C3orf20: variants seen among roughly 807,000 people sequenced by gnomAD.
The protein encoded by C3orf20 is family with sequence similarity 149 member C.
C3orf20 carries 76 observed loss-of-function variants against 88.3 expected under a neutral mutation model. The observed-to-expected ratio is 0.86, with a 90% CI of 0.72 to 1.04. The LOEUF (loss-of-function observed/expected upper bound fraction) is 1.04, where lower values mean the gene tolerates loss of function less well. Ranked by LOEUF, C3orf20 falls within the 50% of genes least tolerant of loss-of-function variation. The pLI, the probability that C3orf20 is intolerant of heterozygous loss-of-function variation, is 0.00. For synonymous variants in C3orf20, 436 were observed against 437.4 expected (o/e 1.00, Z 0.04); for missense variants, 1,056 against 1,123.3 (o/e 0.94, Z 0.86).
chr3:14,753,882 A>G (rs2035286117), intron 12 of C3orf20, among the ~76,000 whole-genome samples: 1 of 152,240 alleles, frequency 6.6e-6, no homozygotes, highest in Non-Finnish European at 1.5e-5. Context: ...AAACAAAAAC[A>G]AAAACAAAAC....
intron 15 of C3orf20, among the ~76,000 whole-genome samples, chr3:14,762,302 A>T (rs545095865): frequency 6.6e-6 from 1 of 152,318 alleles, no homozygotes; most frequent in South Asian, 2.1e-4. Context: ...CAACCAGGTG[A>T]TGCCAACTTG....
At chr3:14,692,874 T>C (rs1283836754) in intron 5 of C3orf20, among the ~76,000 whole-genome samples, 1 of 152,234 alleles carries the variant, frequency 6.6e-6, no homozygotes, top group East Asian at 1.9e-4. Context: ...GGCCTGAGAT[T>C]TAAGTCTTCA....
chr3:14,757,217 G>A (rs1336027135), intron 12 of C3orf20, among the ~76,000 whole-genome samples, 154 bp from the exon 13 acceptor site: 1 of 152,222 alleles, frequency 6.6e-6, no homozygotes, highest in Non-Finnish European at 1.5e-5. Context: ...GAGGTTAGGG[G>A]ACCTGTTCAA....
chr3:14,727,177 C>T (rs1028930416), intron 11 of C3orf20, among the ~76,000 whole-genome samples, 153 bp downstream of exon 11: 3 of 152,180 alleles, frequency 2.0e-5, no homozygotes, highest in African/African-American at 7.2e-5. Context: ...GAGATATTTC[C>T]CCATTTTAGG....
chr3:14,714,232 A>G, intron 8 of C3orf20, 73 bp downstream of exon 8: 1 of 1,524,862 alleles, frequency 6.6e-7, no homozygotes, highest in Non-Finnish European at 9.0e-7. Context: ...TGAGGTGGTG[A>G]CTACGAGTCC....
At chr3:14,711,673 T>C (rs530327870) in intron 7 of C3orf20, among the ~76,000 whole-genome samples, 2 of 143,472 alleles carry the variant, frequency 1.4e-5, no homozygotes, top group South Asian at 2.4e-4. Context: ...TCTCGCTCTA[T>C]TGCCCAGGCT....
intron 1 of C3orf20, among the ~76,000 whole-genome samples, chr3:14,676,422 A>T (rs2031774918): frequency 6.6e-6 from 1 of 152,230 alleles, no homozygotes; most frequent in Admixed American, 6.5e-5. Context: ...TGGAATGTGT[A>T]ATCAGTGTAT....
chr3:14,769,638 C>T (rs1008705649), intron 15 of C3orf20, among the ~76,000 whole-genome samples: 8 of 152,198 alleles, frequency 5.3e-5, no homozygotes, highest in South Asian at 2.1e-4. Context: ...CTGAAGCAGG[C>T]GTCATGCCGT....
chr3:14,714,249 A>G (rs1243292061), intron 8 of C3orf20, 90 bp downstream of exon 8: 2 of 1,427,914 alleles, frequency 1.4e-6, no homozygotes, highest in East Asian at 4.7e-5. Flanking sequence ...GTCCCTGGTT[A>G]AAGAAGAAGC....
intron 14 of C3orf20, 110 bp from the exon 15 acceptor site, chr3:14,761,363 G>C (rs752690288): frequency 3.3e-5 from 43 of 1,318,874 alleles, no homozygotes; most frequent in Non-Finnish European, 4.3e-5. Context: ...CGTAAGCTCT[G>C]AGAGGCCTGT....
At position 14,683,067 on chromosome 3, in the gene C3orf20, CCTCT is replaced by C; in HGVS notation, c.358_361del (p.Ser120ProfsTer14). On this transcript the variant is annotated frameshift_variant, in exon 3 of 17. Transcript: ENST00000253697. LOFTEE classifies it high-confidence loss of function. ...CCACTGGGGCAGCCAAGCGCTCCACCCTCTCTCCCACCATGGCCCGTCAGGTGCG... is the reference window on the plus strand; with the variant it reads ...CCACTGGGGCAGCCAAGCGCTCCACCCTCCCACCATGGCCCGTCAGGTGCG... The C allele has an allele frequency of 6.2e-7, 1 of 1,611,618 alleles. No homozygotes were observed. Among genetic ancestry groups the C allele is most frequent in the Non-Finnish European group, 8.5e-7 (1 of 1,178,810 alleles).
At chr3:14,679,220 A>T (rs1414771049) in intron 1 of C3orf20, among the ~76,000 whole-genome samples, 7 of 152,224 alleles carry the variant, frequency 4.6e-5, no homozygotes, top group Admixed American at 4.6e-4. Context: ...GACCCTTATC[A>T]CATAAGTCAG....
In C3orf20 at chr3:14,728,519, G is replaced by T. The variant is rs754909808; in HGVS notation, c.1771G>T (p.Glu591Ter). ...RFKMRSRTHP[E>*]RLPKLSLYSG... is the part of the protein sequence containing the mutation. ...CAAGATGAGATCCAGAACTCATCCC[G>T]AGCGGCTCCCCAAGCTAAGTTTATA... Residue 591 changes from glutamate (E) to a stop codon, truncating the protein, a stop_gained, in exon 12 of 17, where the codon GAG (glutamate) becomes TAG (stop). Transcript: ENST00000253697. LOFTEE classifies it high-confidence loss of function. 1 of 1,614,184 alleles carries T rather than the reference G, an allele frequency of 6.2e-7. No individual in the cohort carries two copies. The highest frequency in any genetic ancestry group is 2.2e-5 in the East Asian group (1 of 44,896).
chr3:14,682,409 A>T, intron 2 of C3orf20, 78 bp downstream of exon 2: 1 of 341,534 alleles, frequency 2.9e-6, no homozygotes, highest in Non-Finnish European at 5.4e-6. Context: ...AGTTTGTGTG[A>T]CTGTCCTTGA....
intron 5 of C3orf20, among the ~76,000 whole-genome samples, chr3:14,702,767 T>G (rs1406423331): frequency 1.3e-5 from 2 of 152,130 alleles, no homozygotes; most frequent in Non-Finnish European, 2.9e-5. Flanking sequence ...AAAGCAATCA[T>G]GCGTTCCCAA....
At chr3:14,746,872 C>A (rs1378720940) in intron 12 of C3orf20, among the ~76,000 whole-genome samples, 1 of 152,194 alleles carries the variant, frequency 6.6e-6, no homozygotes, top group Non-Finnish European at 1.5e-5. Flanking sequence ...ACAACAAGAA[C>A]AGAGCTTAAA....
At chr3:14,700,726 T>A (rs2033226002) in intron 5 of C3orf20, among the ~76,000 whole-genome samples, 1 of 152,242 alleles carries the variant, frequency 6.6e-6, no homozygotes, top group African/African-American at 2.4e-5. Context: ...CCTTGCCTCA[T>A]AGCTCGTAAG....
At chr3:14,676,958 T>A (rs1049317577) in intron 1 of C3orf20, among the ~76,000 whole-genome samples, 9 of 152,214 alleles carry the variant, frequency 5.9e-5, no homozygotes, top group Admixed American at 5.9e-4. Context: ...CTGTTTTATA[T>A]GCTTAACAGT....
chr3:14,770,552 C>A (rs953784458), intron 15 of C3orf20, among the ~76,000 whole-genome samples: 1 of 152,138 alleles, frequency 6.6e-6, no homozygotes, highest in Non-Finnish European at 1.5e-5. Flanking sequence ...GACAGTCCCT[C>A]CACACCCACT....
Sources: allele counts gnomAD v4.1 joint callset (sites outside exome capture counted in the v4.1 genomes callset), GRCh38; gene constraint gnomAD v4.1.1; transcripts MANE v1.5; gene names NCBI Gene and HGNC (gene_info 2026-07-23, HGNC 2026-07-21).